CDK17: variants seen among roughly 807,000 people sequenced by gnomAD.
CDK17 encodes cyclin-dependent kinase 17.
A neutral mutation model predicts 77.6 loss-of-function variants in CDK17; 24 were observed. The observed-to-expected ratio is 0.31, with a 90% CI of 0.22 to 0.44. The LOEUF (loss-of-function observed/expected upper bound fraction) is 0.44. CDK17 is among the 20% of genes least tolerant of loss of function. The pLI is 1.00. For missense variants in CDK17, 429 were observed against 622.5 expected (o/e 0.69, Z 3.31); for synonymous variants, 203 against 210.4 (o/e 0.96, Z 0.30).
chr12:96,283,273 T>C (rs903219174), intron 14 of CDK17, among the ~76,000 whole-genome samples: 3 of 152,038 alleles, frequency 2.0e-5, no homozygotes, highest in African/African-American at 7.3e-5. Flanking sequence ...TGAATGGCAT[T>C]TGGAGGCAGA....
At chr12:96,384,886 C>T (rs1953947517) in intron 1 of CDK17, among the ~76,000 whole-genome samples, 1 of 151,412 alleles carries the variant, frequency 6.6e-6, no homozygotes, top group African/African-American at 2.4e-5. Flanking sequence ...GGTACATGCC[C>T]ATGGTCCCAG....
At chr12:96,361,339 A>C (rs1170073079) in intron 1 of CDK17, among the ~76,000 whole-genome samples, 2 of 152,230 alleles carry the variant, frequency 1.3e-5, no homozygotes, top group African/African-American at 4.8e-5. Flanking sequence ...AAAGGAGAAA[A>C]GTCCTTTGTC....
intron 1 of CDK17, among the ~76,000 whole-genome samples, chr12:96,380,281 TGG>T (rs772464581): frequency 1.0e-5 from 1 of 96,254 alleles, no homozygotes; most frequent in African/African-American, 4.5e-5. Context: ...TCTTTTTAGC[TGG>T]TTTTTTTTTT....
At chr12:96,302,521 A>G (rs1952522053) in intron 5 of CDK17, among the ~76,000 whole-genome samples, 1 of 152,132 alleles carries the variant, frequency 6.6e-6, no homozygotes, top group Non-Finnish European at 1.5e-5. Flanking sequence ...GGGGGAAAAA[A>G]CACTATATTG....
chr12:96,375,427 T>C (rs7309944), intron 1 of CDK17, among the ~76,000 whole-genome samples: 214 of 151,682 alleles, frequency 1.4e-3, no homozygotes, highest in African/African-American at 4.2e-3. Flanking sequence ...ATTTTTCTTC[T>C]ATGTTTCCTC....
At chr12:96,361,371 C>G (rs897181844) in intron 1 of CDK17, among the ~76,000 whole-genome samples, 9 of 152,324 alleles carry the variant, frequency 5.9e-5, no homozygotes, top group South Asian at 2.1e-4. Flanking sequence ...ACTTTCCTAT[C>G]TCCATTGGTA....
intron 1 of CDK17, among the ~76,000 whole-genome samples, chr12:96,375,194 G>A (rs1446259209): frequency 6.6e-6 from 1 of 152,110 alleles, no homozygotes; most frequent in Admixed American, 6.5e-5. Context: ...GAAATTTCCT[G>A]AACTAACCTA....
intron 3 of CDK17, among the ~76,000 whole-genome samples, chr12:96,315,069 C>G (rs1952693011): frequency 1.3e-5 from 2 of 152,196 alleles, no homozygotes. Flanking sequence ...AACAAGTATT[C>G]AAGGGAACTG....
Position 96,288,666 on chromosome 12 carries a change from C to T in CDK17, c.1118+501G>A, listed in dbSNP as rs181751098. Among the ~76,000 whole-genome samples the T allele has an allele frequency of 1.9e-3, 295 of 152,186 alleles. 1 individual carries two copies. The highest frequency in any genetic ancestry group is 6.4e-3 in the African/African-American group (267 of 41,512). ...TAGGTAATGAAGGGGGTGGCAATAA[C>T]GGTGTCTGAGTAGAAGAGTGTCAGG... is the stretch of plus-strand genomic sequence containing the variant. On this transcript the variant is annotated intron_variant, in intron 11 of 16. Transcript: ENST00000261211.
At chr12:96,340,189 A>G (rs1215399617) in intron 1 of CDK17, among the ~76,000 whole-genome samples, 1 of 152,018 alleles carries the variant, frequency 6.6e-6, no homozygotes, top group Non-Finnish European at 1.5e-5. Flanking sequence ...TTTTCTTCAT[A>G]TAGTGCATTT....
At chr12:96,348,245 T>C (rs572097539) in intron 1 of CDK17, among the ~76,000 whole-genome samples, 2 of 151,414 alleles carry the variant, frequency 1.3e-5, no homozygotes, top group Admixed American at 1.3e-4. Context: ...AAACAGAAAG[T>C]TGGTTCTTTA....
At chr12:96,328,882 T>C (rs553124333) in intron 2 of CDK17, among the ~76,000 whole-genome samples, 3 of 151,920 alleles carry the variant, frequency 2.0e-5, no homozygotes, top group African/African-American at 7.2e-5. Flanking sequence ...AGAGAAGAGA[T>C]TGCGGCCCAT....
At chr12:96,335,909 A>G (rs916283833) in intron 1 of CDK17, among the ~76,000 whole-genome samples, 1 of 152,142 alleles carries the variant, frequency 6.6e-6, no homozygotes, top group Admixed American at 6.6e-5. Context: ...CAACCAACCA[A>G]GAGTAAGGGC....
intron 10 of CDK17, 125 bp downstream of exon 10, chr12:96,294,874 T>C (rs1952381738): frequency 1.3e-6 from 1 of 750,286 alleles, no homozygotes; most frequent in African/African-American, 1.8e-5. Context: ...TATCTTATTC[T>C]GTGGGCTACC....
chr12:96,375,713 T>G (rs1953769252), intron 1 of CDK17, among the ~76,000 whole-genome samples: 1 of 151,812 alleles, frequency 6.6e-6, no homozygotes, highest in Non-Finnish European at 1.5e-5. Flanking sequence ...CCTGGGTAAT[T>G]TTTTGTATTT....
At chr12:96,340,860 T>C (rs1040869608) in intron 1 of CDK17, among the ~76,000 whole-genome samples, 2 of 152,210 alleles carry the variant, frequency 1.3e-5, no homozygotes, top group African/African-American at 4.8e-5. Flanking sequence ...TTAACTTTTA[T>C]GCTCAGGAGT....
intron 1 of CDK17, among the ~76,000 whole-genome samples, chr12:96,383,597 G>A (rs891837226): frequency 2.0e-5 from 3 of 152,076 alleles, no homozygotes; most frequent in African/African-American, 7.2e-5. Context: ...ACAGAATGGA[G>A]AATCTAGAAA....
chr12:96,282,942 T>C (rs1178093357), intron 14 of CDK17, among the ~76,000 whole-genome samples: 2 of 152,212 alleles, frequency 1.3e-5, no homozygotes, highest in Admixed American at 1.3e-4. Flanking sequence ...ATATACCCAG[T>C]ATTTTTATGG....
At chr12:96,294,933 G>A (rs1020974229) in intron 10 of CDK17, 66 bp downstream of exon 10, 1 of 1,359,132 alleles carries the variant, frequency 7.4e-7, no homozygotes. Flanking sequence ...TATGACAGTG[G>A]TTGATCTTTT....
Sources: allele counts gnomAD v4.1 joint callset (sites outside exome capture counted in the v4.1 genomes callset), GRCh38; gene constraint gnomAD v4.1.1; transcripts MANE v1.5; gene names NCBI Gene and HGNC (gene_info 2026-07-23, HGNC 2026-07-21).